Variants in SEMA6D observed in about 807,000 individuals in gnomAD.
The protein encoded by SEMA6D is semaphorin-6D.
Under a neutral mutation model 106.6 loss-of-function variants are expected in SEMA6D, and 35 were observed. The observed-to-expected ratio is 0.33, with a 90% CI of 0.25 to 0.44. The LOEUF (loss-of-function observed/expected upper bound fraction) is 0.44. Among genes scored for constraint, SEMA6D ranks in the 20% least tolerant of loss-of-function variants. The probability of loss-of-function intolerance (pLI) is 1.00; values close to 1 mark genes in which losing one functional copy is unlikely to be tolerated. For synonymous variants in SEMA6D, 499 were observed against 487.7 expected (o/e 1.02, Z -0.31); for missense variants, 1,185 against 1,345.9 (o/e 0.88, Z 1.87).
chr15:47,493,110 A>G (rs1001434571), intron 3 of SEMA6D, among the ~76,000 whole-genome samples: 1 of 152,180 alleles, frequency 6.6e-6, no homozygotes, highest in African/African-American at 2.4e-5. Flanking sequence ...AGAATTGACC[A>G]CAACAATTAG....
intron 1 of SEMA6D, among the ~76,000 whole-genome samples, chr15:47,242,993 C>G (rs760545265): frequency 1.3e-5 from 2 of 152,108 alleles, no homozygotes; most frequent in Non-Finnish European, 2.9e-5. Context: ...CTCTATATTA[C>G]ATTCTTGAAA....
intron 3 of SEMA6D, among the ~76,000 whole-genome samples, chr15:47,477,181 C>T (rs555485498): frequency 7.8e-4 from 119 of 152,202 alleles, no homozygotes; most frequent in African/African-American, 2.6e-3. Context: ...TTTGTTTCCT[C>T]TGACAAGATG....
At chr15:47,754,953 A>T (rs1393613367) in intron 1 of SEMA6D, among the ~76,000 whole-genome samples, 11 of 136,352 alleles carry the variant, frequency 8.1e-5, no homozygotes, top group East Asian at 4.3e-4. Flanking sequence ...TTTGTTGTTG[A>T]TTTTTTTTTT....
intron 3 of SEMA6D, among the ~76,000 whole-genome samples, chr15:47,487,688 A>G (rs1016695029): frequency 6.6e-6 from 1 of 152,034 alleles, no homozygotes; most frequent in Non-Finnish European, 1.5e-5. Flanking sequence ...ACTCTACCTA[A>G]TTCTCTCCCT....
chr15:47,247,882 G>T (rs755110371), intron 1 of SEMA6D, among the ~76,000 whole-genome samples: 2 of 152,298 alleles, frequency 1.3e-5, no homozygotes, highest in Admixed American at 6.5e-5. Context: ...AGTGAGCTGG[G>T]AACTGTGTCA....
At chr15:47,666,477 G>A (rs2078028836) in intron 4 of SEMA6D, among the ~76,000 whole-genome samples, 1 of 152,144 alleles carries the variant, frequency 6.6e-6, no homozygotes, top group East Asian at 1.9e-4. Context: ...GGAGAATTGG[G>A]GAGACTGCAA....
Position 47,748,586 on chromosome 15 carries a change from C to T in SEMA6D, c.-54-11159C>T, listed in dbSNP as rs2081265698. 2.6e-5 allele frequency among the ~76,000 whole-genome samples: 4 copies of T among 152,192 alleles called. No homozygotes were observed. The South Asian group carries it at 8.3e-4, about 32-fold the overall frequency. The stretch of plus-strand genomic sequence containing the variant: ...GGGAAGAATGAGAAAGGGGAGAGGG[C>T]CAGGTAAGTTTTGAGCTGGTGAATA... On this transcript the variant is annotated intron_variant, in intron 1 of 18. Transcript: ENST00000536845.
intron 3 of SEMA6D, among the ~76,000 whole-genome samples, chr15:47,571,703 A>G (rs1566900223): frequency 6.6e-6 from 1 of 152,210 alleles, no homozygotes; most frequent in African/African-American, 2.4e-5. Context: ...CTCATTGGAT[A>G]ATGATTATGG....
intron 13 of SEMA6D, 35 bp downstream of exon 13, chr15:47,765,091 G>A: frequency 6.3e-7 from 1 of 1,596,064 alleles, no homozygotes; most frequent in African/African-American, 1.3e-5. Context: ...CTTCAGCACT[G>A]CTCAAAAATT....
intron 4 of SEMA6D, among the ~76,000 whole-genome samples, chr15:47,628,240 A>G (rs2144420625): frequency 6.6e-6 from 1 of 152,114 alleles, no homozygotes; most frequent in East Asian, 1.9e-4. Context: ...TCATACATGG[A>G]TTTTATGTGA....
At chr15:47,542,381 T>C (rs1447767082) in intron 3 of SEMA6D, among the ~76,000 whole-genome samples, 1 of 152,196 alleles carries the variant, frequency 6.6e-6, no homozygotes, top group Non-Finnish European at 1.5e-5. Context: ...CATTATGCTA[T>C]AGGTGCTACT....
At chr15:47,417,322 A>G (rs2041000377) in intron 2 of SEMA6D, among the ~76,000 whole-genome samples, 2 of 152,038 alleles carry the variant, frequency 1.3e-5, no homozygotes, top group Admixed American at 6.6e-5. Flanking sequence ...TTTCATCCTC[A>G]TATCAGGCAA....
intron 2 of SEMA6D, among the ~76,000 whole-genome samples, chr15:47,451,779 G>T (rs2042200168): frequency 6.6e-6 from 1 of 151,988 alleles, no homozygotes; most frequent in African/African-American, 2.4e-5. Flanking sequence ...CAGTGGTCGT[G>T]TGAGGCCAAG....
chr15:47,472,128 GA>G (rs1567104169), intron 3 of SEMA6D, among the ~76,000 whole-genome samples: 1 of 152,132 alleles, frequency 6.6e-6, no homozygotes, highest in African/African-American at 2.4e-5. Context: ...AGCCACGCAG[GA>G]CAGCTGAAGT....
chr15:47,402,362 G>A (rs1176291529), intron 1 of SEMA6D, among the ~76,000 whole-genome samples: 3 of 152,172 alleles, frequency 2.0e-5, no homozygotes, highest in Non-Finnish European at 4.4e-5. Flanking sequence ...CATTGCATAT[G>A]CTGGAGAGCA....
intron 1 of SEMA6D, among the ~76,000 whole-genome samples, chr15:47,210,909 T>G (rs775575779): frequency 1.3e-5 from 2 of 150,934 alleles, no homozygotes; most frequent in Non-Finnish European, 3.0e-5. Flanking sequence ...TAATACAGTG[T>G]TTTTTTTTGT....
At chr15:47,347,386 G>T (rs975434503) in intron 1 of SEMA6D, among the ~76,000 whole-genome samples, 3 of 152,180 alleles carry the variant, frequency 2.0e-5, no homozygotes, top group African/African-American at 7.2e-5. Flanking sequence ...TCTTCTGAAA[G>T]AACATAGCCA....
At chr15:47,481,695 T>C (rs2043158172) in intron 3 of SEMA6D, among the ~76,000 whole-genome samples, 1 of 152,198 alleles carries the variant, frequency 6.6e-6, no homozygotes, top group Non-Finnish European at 1.5e-5. Flanking sequence ...GGGAAGATTG[T>C]TCTGCCTTAG....
intron 1 of SEMA6D, among the ~76,000 whole-genome samples, chr15:47,295,067 C>T (rs2035751805): frequency 6.6e-6 from 1 of 152,146 alleles, no homozygotes; most frequent in South Asian, 2.1e-4. Context: ...AGACAATAGG[C>T]CGGCAAGAGG....
Sources: allele counts gnomAD v4.1 joint callset (sites outside exome capture counted in the v4.1 genomes callset), GRCh38; gene constraint gnomAD v4.1.1; transcripts MANE v1.5; gene names NCBI Gene and HGNC (gene_info 2026-07-23, HGNC 2026-07-21).